The following MXI1 variants were observed in gnomAD, a reference collection of about 807,000 sequenced individuals.
MXI1 encodes MAX interactor 1, dimerization protein, also known as max-interacting protein 1.
A neutral mutation model predicts 36.9 loss-of-function variants in MXI1; 18 were observed. The observed-to-expected ratio is 0.49, with a 90% CI of 0.34 to 0.72. MXI1 has a LOEUF of 0.72. Ranked by LOEUF, MXI1 falls within the 30% of genes least tolerant of loss-of-function variation. The pLI, the probability that MXI1 is intolerant of heterozygous loss-of-function variation, is 0.01. For missense variants in MXI1, 304 were observed against 379.1 expected, an observed-to-expected ratio of 0.80 and a Z score of 1.64; for synonymous variants, 160 against 146.7, an observed-to-expected ratio of 1.09 and a Z score of -0.65.
chr10:110,283,454 C>T (rs1020281159), intron 5 of MXI1, among the ~76,000 whole-genome samples: 4 of 151,934 alleles, frequency 2.6e-5, no homozygotes, highest in Admixed American at 6.6e-5. Flanking sequence ...AGCCTAGACA[C>T]GGGGTTTCAC....
chr10:110,284,112 G>A (rs1352867276), intron 5 of MXI1, among the ~76,000 whole-genome samples: 1 of 151,728 alleles, frequency 6.6e-6, no homozygotes, highest in Non-Finnish European at 1.5e-5. Flanking sequence ...ATTGATAGCT[G>A]AGTCAAATAT....
chr10:110,247,624 G>C (rs1251055772), intron 3 of MXI1, among the ~76,000 whole-genome samples: 5 of 152,150 alleles, frequency 3.3e-5, no homozygotes, highest in Admixed American at 6.6e-5. Context: ...TCAGAGAAAT[G>C]CAAATCAAAA....
intron 1 of MXI1, chr10:110,210,321 T>C: frequency 2.0e-6 from 2 of 983,312 alleles, no homozygotes; most frequent in Non-Finnish European, 2.4e-6. Context: ...TTCATGTGCG[T>C]AATAAGTCCC....
At chr10:110,280,569 A>C (rs1857204933) in intron 5 of MXI1, among the ~76,000 whole-genome samples, 1 of 151,532 alleles carries the variant, frequency 6.6e-6, no homozygotes. Flanking sequence ...AGTCCTAGCT[A>C]CTCGGGAGGC....
chr10:110,220,915 A>G (rs921027405), intron 1 of MXI1, among the ~76,000 whole-genome samples: 6 of 152,268 alleles, frequency 3.9e-5, no homozygotes, highest in Admixed American at 3.3e-4. Flanking sequence ...AAATGATTAC[A>G]GGCACAAATT....
intron 3 of MXI1, chr10:110,260,994 A>G: frequency 1.0e-6 from 1 of 984,826 alleles, no homozygotes; most frequent in Non-Finnish European, 1.2e-6. Flanking sequence ...GTTGTATCTC[A>G]TCAGTCACTT....
chr10:110,228,157 C>T (rs374704554), intron 1 of MXI1, 32 bp from the exon 2 acceptor site: 33 of 1,611,964 alleles, frequency 2.0e-5, no homozygotes, highest in Non-Finnish European at 2.7e-5. Flanking sequence ...CTATATTCTT[C>T]TTACCGTATC....
rs536514240 is a variant in MXI1 at position 110,209,995 on chromosome 10, C to A, written c.274+1913C>A. ...GGAGATTCCTCAGCGTCCCGCCCCCCACTTCGCACCCGCAGACAATCGGAG... is the reference window on the plus strand; with the variant it reads ...GGAGATTCCTCAGCGTCCCGCCCCCAACTTCGCACCCGCAGACAATCGGAG... On this transcript the variant is annotated intron_variant, in intron 1 of 5. Transcript: ENST00000332674. 7.3e-5 allele frequency among the ~76,000 whole-genome samples: 11 copies of A among 150,300 alleles called. No homozygotes were observed. In the South Asian group the frequency reaches 1.5e-3, roughly 20 times the overall value.
chr10:110,225,825 G>A (rs1158781754), intron 1 of MXI1, among the ~76,000 whole-genome samples: 1 of 152,072 alleles, frequency 6.6e-6, no homozygotes, highest in South Asian at 2.1e-4. Flanking sequence ...ACCTTCCGAC[G>A]ACCTTTGCGA....
intron 2 of MXI1, among the ~76,000 whole-genome samples, chr10:110,232,553 G>A (rs1031024989): frequency 3.3e-5 from 5 of 152,074 alleles, no homozygotes; most frequent in Admixed American, 3.3e-4. Context: ...TTAAATTCGT[G>A]TCCTATTCAC....
At chr10:110,274,224 T>A (rs1856953352) in intron 3 of MXI1, among the ~76,000 whole-genome samples, 2 of 152,184 alleles carry the variant, frequency 1.3e-5, no homozygotes, top group South Asian at 4.1e-4. Context: ...CTCATTGTTC[T>A]TTATCCCACA....
chr10:110,243,230 T>C (rs1055006061), intron 2 of MXI1, among the ~76,000 whole-genome samples: 10 of 152,078 alleles, frequency 6.6e-5, no homozygotes, highest in Non-Finnish European at 1.3e-4. Flanking sequence ...TGTGCTTTTA[T>C]AGTTTCTTCT....
At chr10:110,231,936 G>A (rs1448308539) in intron 2 of MXI1, among the ~76,000 whole-genome samples, 2 of 151,442 alleles carry the variant, frequency 1.3e-5, no homozygotes, top group South Asian at 2.1e-4. Context: ...TTACTTGGAC[G>A]ACTGCAGTAA....
Position 110,216,709 on chromosome 10 carries a change from C to T in MXI1, c.274+8627C>T, listed in dbSNP as rs536686589. The stretch of plus-strand genomic sequence containing the variant: ...TTGGAGACAGGGTCTTGCTCTGTTA[C>T]CCAGGCTAGTACAGTGGCACAATCT... On this transcript the variant is annotated intron_variant, in intron 1 of 5. Transcript: ENST00000332674. Among the ~76,000 whole-genome samples, 6 of 63,876 alleles carry T rather than the reference C, an allele frequency of 9.4e-5. No individual in the cohort carries two copies. In the South Asian group the frequency reaches 5.5e-3, roughly 58 times the overall value. 41.9% of individuals were successfully genotyped at this position (63,876 alleles called of 152,430 possible).
chr10:110,238,008 CAGAG>C (rs1284876259), intron 2 of MXI1, among the ~76,000 whole-genome samples: 1 of 152,114 alleles, frequency 6.6e-6, no homozygotes, highest in Non-Finnish European at 1.5e-5. Context: ...TGCCCAGACA[CAGAG>C]AGAGAGGTCT....
chr10:110,280,634 C>T (rs1171146615), intron 5 of MXI1, among the ~76,000 whole-genome samples: 3 of 149,922 alleles, frequency 2.0e-5, no homozygotes, highest in Admixed American at 6.7e-5. Context: ...GAGCCGAGAT[C>T]ATGCCACTGC....
At position 110,208,101 on chromosome 10, in the gene MXI1, G is replaced by T; in HGVS notation, c.274+19G>T. 1 of 1,566,962 alleles carries T rather than the reference G, an allele frequency of 6.4e-7. No homozygotes were observed. The highest frequency in any genetic ancestry group is 8.6e-7 in the Non-Finnish European group (1 of 1,158,530). ...AACAAAAGTAAGTTTGGGGGCCCCT[G>T]CTCTTCCTCGGCGCCCGGTTCTTTC... is the stretch of plus-strand genomic sequence containing the variant. On this transcript the variant is annotated intron_variant, in intron 1 of 5. Coordinates refer to ENST00000332674, the MANE Select transcript of MXI1 (RefSeq NM_130439.3).
chr10:110,211,948 G>A (rs1194195121), intron 1 of MXI1, among the ~76,000 whole-genome samples: 1 of 152,222 alleles, frequency 6.6e-6, no homozygotes. Context: ...CAGTGGAAGG[G>A]TGGGAATTAA....
intron 3 of MXI1, among the ~76,000 whole-genome samples, chr10:110,254,268 G>C (rs191325711): frequency 6.6e-6 from 1 of 152,222 alleles, no homozygotes. Context: ...CTGTGGATCT[G>C]TAATCTTTGA....
Sources: allele counts gnomAD v4.1 joint callset (sites outside exome capture counted in the v4.1 genomes callset), GRCh38; gene constraint gnomAD v4.1.1; transcripts MANE v1.5; gene names NCBI Gene and HGNC (gene_info 2026-07-23, HGNC 2026-07-21).